The following RPS23 variants were observed in gnomAD, a reference collection of about 807,000 sequenced individuals.
RPS23 encodes the protein ribosomal protein S23.
For missense variants in RPS23, 73 were observed against 174.5 expected (o/e 0.42, Z 3.28); for synonymous variants, 66 against 60.4 (o/e 1.09, Z -0.43).
Position 82,275,902 on chromosome 5 carries a change from T to A in RPS23, c.*207A>T, listed in dbSNP as rs780511496. On this transcript the variant is annotated 3_prime_UTR_variant, in exon 4 of 4. Transcript: ENST00000296674. ...AAACTGTGCCAGGTTACAAATGTTA[T>A]TAACTCTAGAGAATCCTGAAACAAC... 5.5e-6 allele frequency: 3 copies of A among 549,860 alleles called. No individual in the cohort carries two copies. The highest frequency in any genetic ancestry group is 9.7e-6 in the Non-Finnish European group (3 of 308,572). The allele number at this position is 549,860 out of a possible 1,614,324, so 34.1% of individuals were successfully genotyped here.
Position 82,276,378 on chromosome 5 carries a change from G to GATAGAGTTGAAATACTCACCTCAATA in RPS23, c.279_285+19dup. On this transcript the variant is annotated intron_variant, in intron 3 of 3. Transcript: ENST00000296674. ...AGGCCACCCCAAGAACAGAAGGTACGATAGAGTTGAAATACTCACCTCAAT... is the reference window on the plus strand; with the variant it reads ...AGGCCACCCCAAGAACAGAAGGTACGATAGAGTTGAAATACTCACCTCAATAATAGAGTTGAAATACTCACCTCAAT... 1 of 1,613,792 alleles carries GATAGAGTTGAAATACTCACCTCAATA rather than the reference G, an allele frequency of 6.2e-7. No individual in the cohort carries two copies. Among genetic ancestry groups the GATAGAGTTGAAATACTCACCTCAATA allele is most frequent in the Non-Finnish European group, 8.5e-7 (1 of 1,179,770 alleles).
At position 82,275,139 on chromosome 5, in the gene RPS23, A is replaced by G. The variant is rs746320084; in HGVS notation, c.*970T>C. ...CTACGGAAAGTGGGCAACCAAACCA[A>G]TTGTTTTCCAAAGATCCTAAACAAT... On this transcript the variant is annotated 3_prime_UTR_variant, in exon 4 of 4. Transcript: ENST00000296674. The G allele has an allele frequency of 5.8e-6, 4 of 684,272 alleles. No homozygotes were observed. The highest frequency in any genetic ancestry group is 5.3e-6 in the Non-Finnish European group (2 of 375,090). The allele number at this position is 684,272 out of a possible 1,614,324, so 42.4% of individuals were successfully genotyped here. A position where few individuals can be genotyped will look rare whatever the true frequency, so the allele number is the denominator to read the frequency against.
rs530469910 is a variant in RPS23 at position 82,278,207 on chromosome 5, C to T, written c.4+113G>A. 3,131 of 1,033,678 alleles carry T rather than the reference C, an allele frequency of 3.0e-3. 36 individuals carry two copies. The highest frequency in any genetic ancestry group is 0.014 in the South Asian group (977 of 69,312). The allele number at this position is 1,033,678 out of a possible 1,614,324, so 64.0% of individuals were successfully genotyped here. On this transcript the variant is annotated intron_variant, in intron 1 of 3. Transcript: ENST00000296674. ...TGGAGCGGCGCTTCCCCGGCCCTCCCCCATGGAGCCTCTCCATGGCATCCC... is the reference window on the plus strand; with the variant it reads ...TGGAGCGGCGCTTCCCCGGCCCTCCTCCATGGAGCCTCTCCATGGCATCCC...
Position 82,275,508 on chromosome 5 carries a change from C to A in RPS23, c.*601G>T. ...TCCCTTGCCTGGCATATACTTCCAT[C>A]AACTAAATGATCCAATGCCTGTATT... On this transcript the variant is annotated 3_prime_UTR_variant, in exon 4 of 4. Coordinates refer to ENST00000296674, the MANE Select transcript of RPS23 (RefSeq NM_001025.5). 1.7e-6 allele frequency: 1 copy of A among 593,054 alleles called. No individual in the cohort carries two copies. 36.7% of individuals were successfully genotyped at this position (593,054 alleles called of 1,614,324 possible). A position where few individuals can be genotyped will look rare whatever the true frequency, so the allele number is the denominator to read the frequency against.
intron 2 of RPS23, 110 bp from the exon 3 acceptor site, chr5:82,276,628 C>A: frequency 7.2e-7 from 1 of 1,397,474 alleles, no homozygotes; most frequent in Non-Finnish European, 9.8e-7. Flanking sequence ...AATCTAACCT[C>A]AAATGGCTGA....
At position 82,273,548 on chromosome 5, in the gene RPS23, A is replaced by C. The variant is rs1431848180; in HGVS notation, c.*2561T>G. ...CACAATTTTTTTATACAATGCTTGG[A>C]ATCTACGGATAACATCAGGTTCTAA... On this transcript the variant is annotated 3_prime_UTR_variant, in exon 4 of 4. Coordinates refer to ENST00000296674, the MANE Select transcript of RPS23 (RefSeq NM_001025.5). 2 of 149,202 alleles carry C rather than the reference A, an allele frequency of 1.3e-5. No individual in the cohort carries two copies. Among genetic ancestry groups the C allele is most frequent in the Non-Finnish European group, 2.9e-5 (2 of 68,020 alleles). 9.2% of individuals were successfully genotyped at this position (149,202 alleles called of 1,614,324 possible).
At chr5:82,277,407 T>TA (rs1581866493) in intron 2 of RPS23, 1 of 429,860 alleles carries the variant, frequency 2.3e-6, no homozygotes, top group East Asian at 5.1e-5. Context: ...GCCATTTACT[T>TA]ATAACAACTC....
Position 82,275,415 on chromosome 5 carries a change from A to C in RPS23, c.*694T>G, listed in dbSNP as rs369119568. 1 of 678,426 alleles carries C rather than the reference A, an allele frequency of 1.5e-6. No homozygotes were observed. The highest frequency in any genetic ancestry group is 2.7e-6 in the Non-Finnish European group (1 of 373,560). 42.0% of individuals were successfully genotyped at this position (678,426 alleles called of 1,614,324 possible). A position where few individuals can be genotyped will look rare whatever the true frequency, so the allele number is the denominator to read the frequency against. ...ACTTCATTTGCTGACTAGTCTTTGA[A>C]GACATGAAGGTCTCTGACAACCTCA... On this transcript the variant is annotated 3_prime_UTR_variant, in exon 4 of 4. Transcript: ENST00000296674.
rs991892166 is a variant in RPS23 at position 82,275,552 on chromosome 5, T to G, written c.*557A>C. ...CTGTATTCTCCTAAACACATTAATG[T>G]AGACACATTACAACACAGATCCTGA... On this transcript the variant is annotated 3_prime_UTR_variant, in exon 4 of 4. Transcript: ENST00000296674. 3 of 536,936 alleles carry G rather than the reference T, an allele frequency of 5.6e-6. No homozygotes were observed. In the African/African-American group the frequency reaches 5.7e-5, roughly 10 times the overall value. 33.3% of individuals were successfully genotyped at this position (536,936 alleles called of 1,614,324 possible).
At chr5:82,276,914 T>C (rs1421560360) in intron 2 of RPS23, 2 of 181,344 alleles carry the variant, frequency 1.1e-5, no homozygotes, top group Admixed American at 5.5e-5. Context: ...CCGGACACAG[T>C]GGCTCACGCC....
chr5:82,277,747 T>C lies in RPS23; in HGVS notation c.110A>G (p.Lys37Arg). The C allele has an allele frequency of 6.2e-7, 1 of 1,614,016 alleles. No homozygotes were observed. Among genetic ancestry groups the C allele is most frequent in the Non-Finnish European group, 8.5e-7 (1 of 1,179,852 alleles). ...AGAAGCACCTCCAAAAGGGTTGGCC[T>C]TTAGGGCTGTGCCCAAATGAGCTTT... ...YKKAHLGTAL[K>R]ANPFGGASHA... The change falls in exon 2 of 4, where the codon AAG (lysine) becomes AGG (arginine). Residue 37 changes from lysine to arginine, a missense_variant. Lys to Arg is a conservative substitution (Grantham distance 26, BLOSUM62 2). Coordinates refer to ENST00000296674, the MANE Select transcript of RPS23 (RefSeq NM_001025.5).
chr5:82,277,497 A>C lies in RPS23; in HGVS notation c.164+196T>G, dbSNP rs567814525. 499 of 618,880 alleles carry C rather than the reference A, an allele frequency of 8.1e-4. 5 individuals are homozygous for C. The South Asian group carries it at 9.1e-3, about 11-fold the overall frequency. 38.3% of individuals were successfully genotyped at this position (618,880 alleles called of 1,614,324 possible). On this transcript the variant is annotated intron_variant, in intron 2 of 3. Transcript: ENST00000296674. ...TTCCTTCCAGGCCAACGTTAAATTAAAACCTTAACTACCTAATTCCCAAAA... is the reference window on the plus strand; with the variant it reads ...TTCCTTCCAGGCCAACGTTAAATTACAACCTTAACTACCTAATTCCCAAAA...
At chr5:82,277,661 A>G in intron 2 of RPS23, 32 bp downstream of exon 2, 1 of 1,606,896 alleles carries the variant, frequency 6.2e-7, no homozygotes, top group Non-Finnish European at 8.5e-7. Flanking sequence ...TTCCTATAAT[A>G]AACTAAAACT....
rs1457990419 is a variant in RPS23 at position 82,273,543 on chromosome 5, C to T, written c.*2566G>A. 6.7e-6 allele frequency: 1 copy of T among 149,044 alleles called. No homozygotes were observed. The highest frequency in any genetic ancestry group is 1.5e-5 in the Non-Finnish European group (1 of 68,000). The allele number at this position is 149,044 out of a possible 1,614,324, so 9.2% of individuals were successfully genotyped here. A position where few individuals can be genotyped will look rare whatever the true frequency, so the allele number is the denominator to read the frequency against. ...AGTTTCACAATTTTTTTATACAATGCTTGGAATCTACGGATAACATCAGGT... is the reference window on the plus strand; with the variant it reads ...AGTTTCACAATTTTTTTATACAATGTTTGGAATCTACGGATAACATCAGGT... On this transcript the variant is annotated 3_prime_UTR_variant, in exon 4 of 4. Coordinates refer to ENST00000296674, the MANE Select transcript of RPS23 (RefSeq NM_001025.5).
At chr5:82,277,166 G>A (rs1282471590) in intron 2 of RPS23, among the ~76,000 whole-genome samples, 5 of 110,458 alleles carry the variant, frequency 4.5e-5, no homozygotes, top group Admixed American at 1.3e-4. Context: ...GGGTGACAGA[G>A]CTAGACTGTC....
Position 82,274,003 on chromosome 5 carries a change from T to A in RPS23, c.*2106A>T, listed in dbSNP as rs1581862764. ...CCTAGGTTGTAAAGATAGTCTGTTT[T>A]CAGTTTTATAGCTTTCCATTTTACA... On this transcript the variant is annotated 3_prime_UTR_variant, in exon 4 of 4. Coordinates refer to ENST00000296674, the MANE Select transcript of RPS23 (RefSeq NM_001025.5). 6.6e-6 allele frequency: 1 copy of A among 152,246 alleles called. No homozygotes were observed. Among genetic ancestry groups the A allele is most frequent in the Admixed American group, 6.5e-5 (1 of 15,290 alleles). 9.4% of individuals were successfully genotyped at this position (152,246 alleles called of 1,614,324 possible).
rs1372563448 is a variant in RPS23 at position 82,273,527 on chromosome 5, ATTT to A, written c.*2579_*2581del. On this transcript the variant is annotated 3_prime_UTR_variant, in exon 4 of 4. Transcript: ENST00000296674. Reference sequence around the variant, plus strand: ...ACAGAACACAACAGGGAGTTTCACAATTTTTTTATACAATGCTTGGAATCTACG... The same window carrying A: ...ACAGAACACAACAGGGAGTTTCACAATTTTATACAATGCTTGGAATCTACG... 6.7e-6 allele frequency: 1 copy of A among 148,980 alleles called. No homozygotes were observed. Among genetic ancestry groups the A allele is most frequent in the Non-Finnish European group, 1.5e-5 (1 of 67,986 alleles). The allele number at this position is 148,980 out of a possible 1,614,324, so 9.2% of individuals were successfully genotyped here.
Position 82,275,366 on chromosome 5 carries a change from C to A in RPS23, c.*743G>T. 1 of 701,486 alleles carries A rather than the reference C, an allele frequency of 1.4e-6. No individual in the cohort carries two copies. The highest frequency in any genetic ancestry group is 2.6e-6 in the Non-Finnish European group (1 of 384,508). The allele number at this position is 701,486 out of a possible 1,614,324, so 43.5% of individuals were successfully genotyped here. A position where few individuals can be genotyped will look rare whatever the true frequency, so the allele number is the denominator to read the frequency against. ...CCTAGCTTAAATTATCAAAACACAA[C>A]CAATCTTGTCTCTACACTAAACCAC... is the stretch of plus-strand genomic sequence containing the variant. On this transcript the variant is annotated 3_prime_UTR_variant, in exon 4 of 4. Transcript: ENST00000296674.
intron 1 of RPS23, chr5:82,278,071 C>A: frequency 1.5e-6 from 1 of 661,602 alleles, no homozygotes; most frequent in Non-Finnish European, 2.6e-6. Context: ...AAGGACGAGG[C>A]CCCGCTCGAA....
Sources: allele counts gnomAD v4.1 joint callset (sites outside exome capture counted in the v4.1 genomes callset), GRCh38; gene constraint gnomAD v4.1.1; transcripts MANE v1.5; gene names NCBI Gene and HGNC (gene_info 2026-07-23, HGNC 2026-07-21).